Variants in TM7SF2 observed in about 807,000 individuals in gnomAD.
TM7SF2 encodes the protein delta(14)-sterol reductase TM7SF2.
TM7SF2 carries 51 observed loss-of-function variants against 51.0 expected under a neutral mutation model. The observed-to-expected ratio is 1.00, with a 90% CI of 0.80 to 1.26. TM7SF2 has a LOEUF of 1.26. Among genes scored for constraint, TM7SF2 ranks in the 50% most tolerant of loss-of-function variants. The pLI is 0.00. For missense variants in TM7SF2, 541 were observed against 547.4 expected (o/e 0.99, Z 0.12); for synonymous variants, 255 against 241.0 (o/e 1.06, Z -0.54).
Position 65,115,017 on chromosome 11 carries a change from G to T in TM7SF2, c.828G>T (p.Gln276His), listed in dbSNP as rs776660302. 1.5e-5 allele frequency: 24 copies of T among 1,614,148 alleles called. No homozygotes were observed. The highest frequency in any genetic ancestry group is 1.9e-5 in the Non-Finnish European group (22 of 1,180,046). ...CCTTCACCTACAGCCTGCAGGCCCA[G>T]TTCCTGCTGCACCACCCGCAGCCCC... ...WVPFTYSLQA[Q>H]FLLHHPQPLG... Residue 276 changes from glutamine (Q) to histidine (H), a missense_variant, in exon 7 of 10, where the codon CAG becomes CAT. By Grantham distance (24) the Gln-to-His change is conservative (BLOSUM62 0). Transcript: ENST00000279263.
Position 65,112,055 on chromosome 11 carries a change from G to T in TM7SF2, c.40G>T (p.Gly14Ter). The T allele has an allele frequency of 6.3e-7, 1 of 1,598,198 alleles. No individual in the cohort carries two copies. Among genetic ancestry groups the T allele is most frequent in the Non-Finnish European group, 8.5e-7 (1 of 1,174,222 alleles). Residue 14 changes from glycine (G) to a stop codon, truncating the protein, a stop_gained, in exon 1 of 10, where the codon GGA becomes TGA. Transcript: ENST00000279263. LOFTEE classifies it high-confidence loss of function. ...GGGCCCCCGGGCCCCGCTGGAATTCGGAGGGCCCCTGGGTAATGGGGCAGA... is the reference window on the plus strand; with the variant it reads ...GGGCCCCCGGGCCCCGCTGGAATTCTGAGGGCCCCTGGGTAATGGGGCAGA... The part of the protein sequence containing the change: ...TQGPRAPLEF[G>*]GPLGAAALLL...
rs752313771 is a variant in TM7SF2 at position 65,116,056 on chromosome 11, C to A, written c.*3C>A. On this transcript the variant is annotated 3_prime_UTR_variant, in exon 10 of 10. Transcript: ENST00000279263. Reference sequence around the variant, plus strand: ...GCATCATGCCCTACATCTACTGAAGCGGCTCCACCACCCCAGGTGGGGGCA... The same window carrying A: ...GCATCATGCCCTACATCTACTGAAGAGGCTCCACCACCCCAGGTGGGGGCA... 6 of 1,601,802 alleles carry A rather than the reference C, an allele frequency of 3.7e-6. No homozygotes were observed. The East Asian group carries it at 1.3e-4, about 36-fold the overall frequency.
chr11:65,112,910 G>T (rs1237732449), intron 3 of TM7SF2, 45 bp downstream of exon 3: 6 of 1,547,724 alleles, frequency 3.9e-6, no homozygotes, highest in Admixed American at 2.0e-5. Context: ...GCGGCCGGGG[G>T]TGGAGCTCCA....
Position 65,113,396 on chromosome 11 carries a change from G to A in TM7SF2, c.481G>A (p.Ala161Thr). ...GCAGGTAGCCCCAGTTTCGGCCCTG[G>A]CACCTGGGGGGAACTCAGGTGAGAG... ...KAQVAPVSALAPGGNSGNPIY... is the reference protein window; with the variant it reads ...KAQVAPVSALTPGGNSGNPIY... Residue 161 changes from alanine (A) to threonine (T), a missense_variant, in exon 4 of 10, where the codon GCA becomes ACA. Ala to Thr is a moderately conservative substitution (Grantham distance 58). Transcript: ENST00000279263. 1 of 1,614,190 alleles carries A rather than the reference G, an allele frequency of 6.2e-7. No individual in the cohort carries two copies. The highest frequency in any genetic ancestry group is 8.5e-7 in the Non-Finnish European group (1 of 1,180,044).
At chr11:65,112,204 A>C in intron 1 of TM7SF2, 137 bp downstream of exon 1, 1 of 889,776 alleles carries the variant, frequency 1.1e-6, no homozygotes, top group Non-Finnish European at 1.7e-6. Context: ...GGGGGTTTGC[A>C]GCGAAGGGTG....
Position 65,112,700 on chromosome 11 carries a change from C to T in TM7SF2, c.238C>T (p.Pro80Ser). 1 of 1,544,528 alleles carries T rather than the reference C, an allele frequency of 6.5e-7. No homozygotes were observed. Among genetic ancestry groups the T allele is most frequent in the Non-Finnish European group, 8.7e-7 (1 of 1,145,552 alleles). Reference protein sequence around the residue: ...LGLQAALYLLPARKVAEGQEL... With the variant: ...LGLQAALYLLSARKVAEGQEL... ...CCTGCAGGCGGCGCTCTACCTACTG[C>T]CGGCGCGCAAGGTGCGGGCCCCGCT... Residue 80 changes from proline to serine, a missense_variant, in exon 2 of 10, where the codon CCG becomes TCG. Coordinates refer to ENST00000279263, the MANE Select transcript of TM7SF2 (RefSeq NM_003273.6).
In TM7SF2 at chr11:65,115,617, T is replaced by G. The variant is rs1356023248; in HGVS notation, c.1096+19T>G. The G allele has an allele frequency of 6.2e-7, 1 of 1,613,678 alleles. No individual in the cohort carries two copies. Among genetic ancestry groups the G allele is most frequent in the Admixed American group, 1.7e-5 (1 of 60,006 alleles). ...CCCTGCGGTGAGTGGCCCATGTGGA[T>G]ATGGGTAGGGACATGTGAGGGGAAG... On this transcript the variant is annotated intron_variant, in intron 9 of 9. Transcript: ENST00000279263.
chr11:65,116,145 C>T lies in TM7SF2; in HGVS notation c.*92C>T. The T allele has an allele frequency of 3.4e-6, 5 of 1,470,740 alleles. No individual in the cohort carries two copies. Among genetic ancestry groups the T allele is most frequent in the Non-Finnish European group, 4.6e-6 (5 of 1,093,358 alleles). The allele number at this position is 1,470,740 out of a possible 1,614,324, so 91.1% of individuals were successfully genotyped here. A position where few individuals can be genotyped will look rare whatever the true frequency, so the allele number is the denominator to read the frequency against. On this transcript the variant is annotated 3_prime_UTR_variant, in exon 10 of 10. Coordinates refer to ENST00000279263, the MANE Select transcript of TM7SF2 (RefSeq NM_003273.6). Reference sequence around the variant, plus strand: ...CCTCGACACACTTGGGACTCAAGGGCTTGCACCCCACCCAGCCCTGAGGAT... The same window carrying T: ...CCTCGACACACTTGGGACTCAAGGGTTTGCACCCCACCCAGCCCTGAGGAT...
chr11:65,116,067 C>T lies in TM7SF2; in HGVS notation c.*14C>T. The T allele has an allele frequency of 1.9e-6, 3 of 1,597,528 alleles. No homozygotes were observed. The highest frequency in any genetic ancestry group is 4.5e-5 in the East Asian group (2 of 44,678). On this transcript the variant is annotated 3_prime_UTR_variant, in exon 10 of 10. Coordinates refer to ENST00000279263, the MANE Select transcript of TM7SF2 (RefSeq NM_003273.6). ...TACATCTACTGAAGCGGCTCCACCA[C>T]CCCAGGTGGGGGCATGTGCCCACTC...
chr11:65,114,608 TAAG>T (rs1947951527), intron 5 of TM7SF2, 102 bp from the exon 6 acceptor site: 13 of 1,398,450 alleles, frequency 9.3e-6, no homozygotes, highest in Middle Eastern at 1.9e-4. Flanking sequence ...TGGATCCACT[TAAG>T]AGCTGGAGTG....
intron 5 of TM7SF2, 54 bp downstream of exon 5, chr11:65,113,648 T>A: frequency 3.4e-6 from 5 of 1,489,352 alleles, no homozygotes; most frequent in Non-Finnish European, 4.7e-6. Context: ...TTAGGGTGGG[T>A]GAGCAGCGCT....
Position 65,113,535 on chromosome 11 carries a change from C to A in TM7SF2, c.544C>A (p.Arg182Ser). 4 of 1,614,204 alleles carry A rather than the reference C, an allele frequency of 2.5e-6. No homozygotes were observed. Among genetic ancestry groups the A allele is most frequent in the Non-Finnish European group, 2.5e-6 (3 of 1,180,032 alleles). Residue 182 changes from arginine (R) to serine (S), a missense_variant, in exon 5 of 10, where the codon CGT becomes AGT. By Grantham distance (110) the Arg-to-Ser change is moderately radical. Transcript: ENST00000279263. ...DFFLGRELNP[R>S]ICFFDFKYFC... Reference sequence around the variant, plus strand: ...TTTTCTGGGACGAGAGCTCAACCCTCGTATCTGTTTCTTCGACTTCAAATA... The same window carrying A: ...TTTTCTGGGACGAGAGCTCAACCCTAGTATCTGTTTCTTCGACTTCAAATA...
Position 65,115,373 on chromosome 11 carries a change from CCTT to C in TM7SF2, c.955_957del (p.Ser319del). ...CCAGAAAAACACTTTCCGAAAGAAT[CCTT>C]CTGACCCCAGAGTGGCTGGTGAGCT... On this transcript the variant is annotated inframe_deletion, in exon 8 of 10. Transcript: ENST00000279263. The C allele has an allele frequency of 2.5e-6, 4 of 1,614,216 alleles. No homozygotes were observed. Among genetic ancestry groups the C allele is most frequent in the South Asian group, 1.1e-5 (1 of 91,092 alleles).
intron 8 of TM7SF2, 38 bp from the exon 9 acceptor site, chr11:65,115,438 G>C: frequency 6.2e-7 from 1 of 1,614,186 alleles, no homozygotes; most frequent in Non-Finnish European, 8.5e-7. Context: ...GGGCAGCTGG[G>C]CTTCCTGGGA....
chr11:65,115,528 G>C lies in TM7SF2; in HGVS notation c.1026G>C (p.Trp342Cys), dbSNP rs201690600. The C allele has an allele frequency of 3.0e-4, 480 of 1,614,046 alleles. No homozygotes were observed. Among genetic ancestry groups the C allele is most frequent in the Non-Finnish European group, 3.9e-4 (459 of 1,180,034 alleles). Residue 342 changes from tryptophan to cysteine, a missense_variant, in exon 9 of 10, where the codon TGG becomes TGC. Coordinates refer to ENST00000279263, the MANE Select transcript of TM7SF2 (RefSeq NM_003273.6). ...ATGRKLLVSGWWGMVRHPNYL... is the reference protein window; with the variant it reads ...ATGRKLLVSGCWGMVRHPNYL... ...GGCGGAAACTGCTGGTGTCTGGGTG[G>C]TGGGGTATGGTCCGCCATCCCAACT...
At chr11:65,115,122 C>A in intron 7 of TM7SF2, 41 bp downstream of exon 7, 2 of 1,606,092 alleles carry the variant, frequency 1.2e-6, no homozygotes, top group Non-Finnish European at 8.5e-7. Context: ...CATCTTCCCC[C>A]TATCCCTTTG....
In TM7SF2 at chr11:65,112,061, C is replaced by T. The variant is rs765316965; in HGVS notation, c.46C>T (p.Pro16Ser). The T allele has an allele frequency of 6.3e-7, 1 of 1,597,520 alleles. No homozygotes were observed. Among genetic ancestry groups the T allele is most frequent in the Non-Finnish European group, 8.5e-7 (1 of 1,173,966 alleles). ...GPRAPLEFGG[P>S]LGAAALLLLL... ...CCGGGCCCCGCTGGAATTCGGAGGG[C>T]CCCTGGGTAATGGGGCAGAGAGATG... is the stretch of plus-strand genomic sequence containing the variant. Residue 16 changes from proline (P) to serine (S), a missense_variant, in exon 1 of 10, where the codon CCC becomes TCC. Pro to Ser is a moderately conservative substitution (Grantham distance 74). Coordinates refer to ENST00000279263, the MANE Select transcript of TM7SF2 (RefSeq NM_003273.6).
chr11:65,111,874 C>T lies in TM7SF2; in HGVS notation c.-142C>T. The T allele has an allele frequency of 9.4e-7, 1 of 1,063,844 alleles. No individual in the cohort carries two copies. The highest frequency in any genetic ancestry group is 1.4e-6 in the Non-Finnish European group (1 of 713,310). The allele number at this position is 1,063,844 out of a possible 1,614,324, so 65.9% of individuals were successfully genotyped here. On this transcript the variant is annotated 5_prime_UTR_variant, in exon 1 of 10. Transcript: ENST00000279263. ...ACCCTGGGACGAGAGCGGTCCTTGT[C>T]TGCGTTCCGTGTCCAGGCAGGTGCA...
chr11:65,113,001 G>A (rs1947929772), intron 3 of TM7SF2, 136 bp downstream of exon 3: 9 of 1,171,176 alleles, frequency 7.7e-6, no homozygotes, highest in South Asian at 1.5e-5. Context: ...GACAGACGCC[G>A]GGGGCTCTCC....
Sources: gnomAD v4.1 joint callset for allele counts on GRCh38, gnomAD v4.1.1 for gene constraint, MANE v1.5 for transcripts, NCBI Gene and HGNC (gene_info 2026-07-23, HGNC 2026-07-21) for gene names.